Variants in SCHIP1 observed in about 807,000 individuals in gnomAD.
SCHIP1 encodes schwannomin interacting protein 1, also known as schwannomin-interacting protein 1.
A neutral mutation model predicts 29.7 loss-of-function variants in SCHIP1; 8 were observed. The ratio of observed to expected loss-of-function variants is 0.27; its 90% CI spans 0.16 to 0.49. The LOEUF is 0.49. Ranked by LOEUF, SCHIP1 falls within the 20% of genes least tolerant of loss-of-function variation. SCHIP1 has a pLI of 0.99. For missense variants in SCHIP1, 193 were observed against 294.6 expected (o/e 0.66, Z 2.52); for synonymous variants, 76 against 94.9 (o/e 0.80, Z 1.16).
chr3:159,611,214 G>A, the SCHIP1 span, among the ~76,000 whole-genome samples: 4 of 152,162 alleles, frequency 2.6e-5, no homozygotes, highest in East Asian at 7.7e-4. Context: ...AACTCCTTTA[G>A]CACAGTCAAG....
At chr3:159,734,245 C>T in the SCHIP1 span, among the ~76,000 whole-genome samples, 2 of 149,166 alleles carry the variant, frequency 1.3e-5, no homozygotes, top group South Asian at 2.1e-4. Context: ...CAGGTTCAAG[C>T]GATTCTCCTG....
chr3:159,561,574 A>T, the SCHIP1 span, among the ~76,000 whole-genome samples: 1 of 152,122 alleles, frequency 6.6e-6, no homozygotes, highest in Non-Finnish European at 1.5e-5. Flanking sequence ...TTGTACATGA[A>T]ATTGTGTTGT....
intron 5 of SCHIP1, among the ~76,000 whole-genome samples, chr3:159,890,248 T>C (rs1717375876): frequency 6.6e-6 from 1 of 152,166 alleles, no homozygotes; most frequent in Non-Finnish European, 1.5e-5. Flanking sequence ...TGGCCATGAG[T>C]TGATAATTGT....
the SCHIP1 span, among the ~76,000 whole-genome samples, chr3:159,808,091 A>G: frequency 6.6e-6 from 1 of 152,230 alleles, no homozygotes; most frequent in Non-Finnish European, 1.5e-5. Flanking sequence ...TTCTCAACAG[A>G]GTAAGAGATA....
chr3:159,766,748 T>C, the SCHIP1 span, among the ~76,000 whole-genome samples: 9 of 152,238 alleles, frequency 5.9e-5, no homozygotes, highest in African/African-American at 2.2e-4. Context: ...TTCTGAGTGC[T>C]GTAGTTACAC....
At chr3:159,533,836 A>G in the SCHIP1 span, among the ~76,000 whole-genome samples, 3 of 152,222 alleles carry the variant, frequency 2.0e-5, no homozygotes, top group African/African-American at 7.2e-5. Flanking sequence ...AAAAGAGAAG[A>G]AAGCAGGGAA....
the SCHIP1 span, among the ~76,000 whole-genome samples, chr3:159,379,156 C>T: frequency 2.6e-5 from 4 of 151,708 alleles, no homozygotes; most frequent in Non-Finnish European, 4.4e-5. Flanking sequence ...ACCATCCATG[C>T]ATAAATGGAG....
the SCHIP1 span, among the ~76,000 whole-genome samples, chr3:159,394,875 G>C: frequency 6.6e-6 from 1 of 152,116 alleles, no homozygotes; most frequent in African/African-American, 2.4e-5. Context: ...GATTGGAATA[G>C]TTTCAGAAGG....
chr3:159,598,660 C>A, the SCHIP1 span, among the ~76,000 whole-genome samples: 1 of 152,122 alleles, frequency 6.6e-6, no homozygotes, highest in Non-Finnish European at 1.5e-5. Flanking sequence ...GCCTGCAGCT[C>A]TTCCAGGGAC....
the SCHIP1 span, among the ~76,000 whole-genome samples, chr3:159,514,434 A>C: frequency 6.6e-6 from 1 of 152,236 alleles, no homozygotes; most frequent in African/African-American, 2.4e-5. Context: ...AGTTCCATGC[A>C]TACATGGTTT....
At chr3:159,493,976 A>G in the SCHIP1 span, among the ~76,000 whole-genome samples, 1 of 152,174 alleles carries the variant, frequency 6.6e-6, no homozygotes. Context: ...CTACATGGAA[A>G]CTGAACAACC....
At chr3:159,805,451 C>A in the SCHIP1 span, among the ~76,000 whole-genome samples, 1 of 152,292 alleles carries the variant, frequency 6.6e-6, no homozygotes, top group Non-Finnish European at 1.5e-5. Flanking sequence ...CAAATTAAAA[C>A]CTTTAGAAGT....
At chr3:159,512,769 C>G in the SCHIP1 span, among the ~76,000 whole-genome samples, 1 of 152,194 alleles carries the variant, frequency 6.6e-6, no homozygotes, top group Non-Finnish European at 1.5e-5. Context: ...TATAGTCACC[C>G]TGCTGTGCTA....
chr3:159,519,954 T>C, the SCHIP1 span, among the ~76,000 whole-genome samples: 3 of 151,704 alleles, frequency 2.0e-5, no homozygotes, highest in African/African-American at 7.3e-5. Context: ...GTCGTACAAC[T>C]GGGGCACAGC....
chr3:159,439,146 A>G, the SCHIP1 span, among the ~76,000 whole-genome samples: 4 of 152,024 alleles, frequency 2.6e-5, no homozygotes, highest in South Asian at 8.3e-4. Context: ...AACCTCACCA[A>G]TATCTGTTGT....
chr3:159,804,272 A>C, the SCHIP1 span, among the ~76,000 whole-genome samples: 1 of 152,298 alleles, frequency 6.6e-6, no homozygotes, highest in African/African-American at 2.4e-5. Flanking sequence ...GGTAGCAGAG[A>C]GCTGGAACTG....
intron 2 of SCHIP1, among the ~76,000 whole-genome samples, chr3:159,879,761 T>C (rs986365251): frequency 1.3e-5 from 2 of 152,158 alleles, no homozygotes; most frequent in African/African-American, 4.8e-5. Flanking sequence ...GACACTGATG[T>C]AGAATTAGAA....
chr3:159,530,773 C>A, the SCHIP1 span, among the ~76,000 whole-genome samples: 1 of 152,202 alleles, frequency 6.6e-6, no homozygotes, highest in Non-Finnish European at 1.5e-5. Flanking sequence ...TATGCCCTGA[C>A]AAGGAGGCCT....
chr3:159,379,615 C>A, the SCHIP1 span, among the ~76,000 whole-genome samples: 1 of 152,130 alleles, frequency 6.6e-6, no homozygotes, highest in Non-Finnish European at 1.5e-5. Context: ...CAACACTAAT[C>A]ACCCCTATTA....
Sources: gnomAD v4.1 joint callset for allele counts (sites outside exome capture counted in the v4.1 genomes callset) on GRCh38, gnomAD v4.1.1 for gene constraint, MANE v1.5 for transcripts, NCBI Gene and HGNC (gene_info 2026-07-23, HGNC 2026-07-21) for gene names.